ARHGAP31: variants seen among roughly 807,000 people sequenced by gnomAD.
The protein encoded by ARHGAP31 is Rho GTPase activating protein 31.
Under a neutral mutation model 113.9 loss-of-function variants are expected in ARHGAP31, and 34 were observed. The ratio of observed to expected loss-of-function variants is 0.30; its 90% CI spans 0.23 to 0.40. The LOEUF is 0.40. ARHGAP31 is among the 10% of genes least tolerant of loss of function. ARHGAP31 has a pLI of 1.00. For synonymous variants in ARHGAP31, 650 were observed against 684.8 expected (o/e 0.95, Z 0.79); for missense variants, 1,548 against 1,767.1 (o/e 0.88, Z 2.22).
intron 1 of ARHGAP31, among the ~76,000 whole-genome samples, chr3:119,328,172 A>G (rs2079861742): frequency 6.6e-6 from 1 of 152,252 alleles, no homozygotes; most frequent in Admixed American, 6.5e-5. Flanking sequence ...ATTTTAAAAT[A>G]TAATTATGGC....
In ARHGAP31 at chr3:119,382,528, G is replaced by A. The variant is rs2278780; in HGVS notation, c.539+129G>A. 630 of 835,638 alleles carry A rather than the reference G, an allele frequency of 7.5e-4. 15 individuals are homozygous for A. In the East Asian group the frequency reaches 0.016, roughly 22 times the overall value. The allele number at this position is 835,638 out of a possible 1,614,324, so 51.8% of individuals were successfully genotyped here. On this transcript the variant is annotated intron_variant, in intron 5 of 11. Transcript: ENST00000264245. ...TCTGTGGCTTAAGTGGTCATTTATA[G>A]CACATATGAATTAAAGGTGATTTAG...
In ARHGAP31 at chr3:119,360,421, C is replaced by A. The variant is rs533817845; in HGVS notation, c.101-4895C>A. 4.6e-5 allele frequency among the ~76,000 whole-genome samples: 7 copies of A among 152,330 alleles called. No individual in the cohort carries two copies. The East Asian group carries it at 1.3e-3, about 29-fold the overall frequency. Reference sequence around the variant, plus strand: ...TTTGCACTATGAAAGAATGTGGCCACCACAACCACGTAAATGACCAAATAC... The same window carrying A: ...TTTGCACTATGAAAGAATGTGGCCAACACAACCACGTAAATGACCAAATAC... On this transcript the variant is annotated intron_variant, in intron 1 of 11. Coordinates refer to ENST00000264245, the MANE Select transcript of ARHGAP31 (RefSeq NM_020754.4).
At chr3:119,407,524 A>G (rs1407132259) in intron 10 of ARHGAP31, among the ~76,000 whole-genome samples, 1 of 152,252 alleles carries the variant, frequency 6.6e-6, no homozygotes, top group Non-Finnish European at 1.5e-5. Context: ...TGGGAAACAA[A>G]AATATATGCA....
intron 3 of ARHGAP31, among the ~76,000 whole-genome samples, chr3:119,372,315 C>G (rs1174968157): frequency 6.8e-6 from 1 of 146,030 alleles, no homozygotes; most frequent in East Asian, 2.0e-4. Flanking sequence ...CAGAGTCTCA[C>G]TCTTGTCACC....
chr3:119,363,607 T>C (rs1000307053), intron 1 of ARHGAP31, among the ~76,000 whole-genome samples: 1 of 152,142 alleles, frequency 6.6e-6, no homozygotes, highest in Non-Finnish European at 1.5e-5. Context: ...TACAGTTACT[T>C]GAAGGCCACA....
intron 1 of ARHGAP31, among the ~76,000 whole-genome samples, chr3:119,295,579 C>A (rs1019955179): frequency 6.6e-6 from 1 of 152,128 alleles, no homozygotes; most frequent in Non-Finnish European, 1.5e-5. Flanking sequence ...CCTCCACCCC[C>A]TTTCCACAAC....
chr3:119,326,664 C>T (rs2079846827), intron 1 of ARHGAP31, among the ~76,000 whole-genome samples: 1 of 152,180 alleles, frequency 6.6e-6, no homozygotes. Flanking sequence ...CATTTGTGTT[C>T]TTCCCTCTTC....
At chr3:119,412,313 G>A (rs995107263) in intron 11 of ARHGAP31, among the ~76,000 whole-genome samples, 61 of 151,918 alleles carry the variant, frequency 4.0e-4, no homozygotes, top group African/African-American at 8.0e-4. Flanking sequence ...GCTTGAACCC[G>A]GGAGGAGGAG....
chr3:119,294,994 G>C lies in ARHGAP31; in HGVS notation c.90G>C (p.Ser30=). 2 of 1,614,132 alleles carry C rather than the reference G, an allele frequency of 1.2e-6. No individual in the cohort carries two copies. The highest frequency in any genetic ancestry group is 1.7e-6 in the Non-Finnish European group (2 of 1,180,018). Residue 30 remains serine (S), a synonymous_variant, in exon 1 of 12, where the codon TCG becomes TCC. Coordinates refer to ENST00000264245, the MANE Select transcript of ARHGAP31 (RefSeq NM_020754.4). ...GCDLTEYLES[S]GQDVPYVLKS... ...ACCTGACGGAGTATCTGGAAAGCTCGGGACAGGATGGTAATGTGCCTTGGC... is the reference window on the plus strand; with the variant it reads ...ACCTGACGGAGTATCTGGAAAGCTCCGGACAGGATGGTAATGTGCCTTGGC...
intron 1 of ARHGAP31, among the ~76,000 whole-genome samples, chr3:119,306,663 C>A (rs146642895): frequency 1.1e-3 from 169 of 152,312 alleles, no homozygotes; most frequent in African/African-American, 3.9e-3. Context: ...GGGCAGCAAG[C>A]TGTAAAGTGC....
rs908166180 is a variant in ARHGAP31 at position 119,419,046 on chromosome 3, C to T, written c.*2782C>T. On this transcript the variant is annotated 3_prime_UTR_variant, in exon 12 of 12. Transcript: ENST00000264245. ...CCAAATGCTCTGGGATTACCTATTT[C>T]ACCACTCATTTGAGTCTCCGAAAAA... The T allele has an allele frequency of 6.6e-6, 1 of 152,116 alleles. No individual in the cohort carries two copies. The highest frequency in any genetic ancestry group is 1.5e-5 in the Non-Finnish European group (1 of 68,118). The allele number at this position is 152,116 out of a possible 1,614,324, so 9.4% of individuals were successfully genotyped here.
At chr3:119,354,678 A>AT (rs762067141) in intron 1 of ARHGAP31, among the ~76,000 whole-genome samples, 19,094 of 127,148 alleles carry the variant, frequency 0.15, 1,588 homozygotes, top group Admixed American at 0.2. Context: ...TGCCGGGCTA[A>AT]TTTTTTTTTT....
chr3:119,386,223 A>G (rs142384185), intron 6 of ARHGAP31, among the ~76,000 whole-genome samples: 105 of 152,356 alleles, frequency 6.9e-4, no homozygotes, highest in African/African-American at 2.4e-3. Flanking sequence ...CTTCAAACTG[A>G]AAAGATTTTA....
intron 1 of ARHGAP31, among the ~76,000 whole-genome samples, chr3:119,306,426 G>A (rs932064594): frequency 1.2e-4 from 18 of 152,110 alleles, no homozygotes; most frequent in Non-Finnish European, 1.9e-4. Context: ...GCATGGTGGC[G>A]CGTGCCTGTA....
chr3:119,375,999 A>G (rs2080343630), intron 3 of ARHGAP31, among the ~76,000 whole-genome samples: 1 of 152,192 alleles, frequency 6.6e-6, no homozygotes, highest in Non-Finnish European at 1.5e-5. Flanking sequence ...CTACAGGCGT[A>G]TGCATCAAGC....
chr3:119,367,879 AAGAT>A (rs1301060269), intron 2 of ARHGAP31, among the ~76,000 whole-genome samples: 1 of 151,922 alleles, frequency 6.6e-6, no homozygotes, highest in Non-Finnish European at 1.5e-5. Flanking sequence ...AAAAAAAAAA[AAGAT>A]AGTCAATTAA....
chr3:119,333,304 A>C (rs757656936), intron 1 of ARHGAP31, among the ~76,000 whole-genome samples: 16 of 152,312 alleles, frequency 1.1e-4, no homozygotes, highest in Admixed American at 2.6e-4. Flanking sequence ...CTTTTTGAGA[A>C]GATATTTATG....
In ARHGAP31 at chr3:119,328,497, G is replaced by A. The variant is rs188626928; in HGVS notation, c.100+33493G>A. Among the ~76,000 whole-genome samples the A allele has an allele frequency of 3.9e-3, 601 of 152,270 alleles. 1 individual carries two copies. The highest frequency in any genetic ancestry group is 0.012 in the South Asian group (58 of 4,824). On this transcript the variant is annotated intron_variant, in intron 1 of 11. Coordinates refer to ENST00000264245, the MANE Select transcript of ARHGAP31 (RefSeq NM_020754.4). ...TAGCAACATCCTTATACTGATTTTA[G>A]AGCTACCTGTTAGCCGCTATACTGG... is the stretch of plus-strand genomic sequence containing the variant.
chr3:119,338,856 C>G (rs1337738561), intron 1 of ARHGAP31, among the ~76,000 whole-genome samples: 1 of 152,144 alleles, frequency 6.6e-6, no homozygotes, highest in Non-Finnish European at 1.5e-5. Flanking sequence ...AGGCCTGCCA[C>G]TGTGTATGAA....
Sources: gnomAD v4.1 joint callset for allele counts (sites outside exome capture counted in the v4.1 genomes callset) on GRCh38, gnomAD v4.1.1 for gene constraint, MANE v1.5 for transcripts, NCBI Gene and HGNC (gene_info 2026-07-23, HGNC 2026-07-21) for gene names.